ADGRB1: variants seen among roughly 807,000 people sequenced by gnomAD.
ADGRB1 encodes the protein adhesion G protein-coupled receptor B1.
A neutral mutation model predicts 175.7 loss-of-function variants in ADGRB1; 36 were observed. The ratio of observed to expected loss-of-function variants is 0.20; its 90% confidence interval spans 0.16 to 0.27. The LOEUF (loss-of-function observed/expected upper bound fraction) is 0.27, where lower values mean the gene tolerates loss of function less well. Among genes scored for constraint, ADGRB1 ranks in the 10% least tolerant of loss-of-function variants. The probability of loss-of-function intolerance (pLI) is 1.00; values close to 1 mark genes in which losing one functional copy is unlikely to be tolerated. For synonymous variants in ADGRB1, 1,054 were observed against 979.4 expected (o/e 1.08, Z -1.42); for missense variants, 1,731 against 2,255.3 (o/e 0.77, Z 4.71).
chr8:142,542,147 C>T lies in ADGRB1; in HGVS notation c.3913C>T (p.His1305Tyr). Residue 1305 changes from histidine (H) to tyrosine (Y), a missense_variant, in exon 28 of 31, where the codon CAC (histidine) becomes TAC (tyrosine). By Grantham distance (83) the His-to-Tyr change is moderately conservative. Around this residue, in one of 8 missense-constraint regions of ADGRB1, gnomAD observed 394 missense variants for 410.2 expected, o/e 0.96. Transcript: ENST00000517894. The surrounding 1 kb of genome is among the most constrained non-coding windows in gnomAD (Gnocchi z 6.3). Reference protein sequence around the residue: ...PGGPLPDFPNHSLTLKRDKAP... With the variant: ...PGGPLPDFPNYSLTLKRDKAP... ...CGGGCCCCTGCCCGACTTCCCCAACCACTCACTGACCCTCAAGAGGGACAA... is the reference window on the plus strand; with the variant it reads ...CGGGCCCCTGCCCGACTTCCCCAACTACTCACTGACCCTCAAGAGGGACAA... The T allele has an allele frequency of 6.2e-7, 1 of 1,613,680 alleles. No individual in the cohort carries two copies. Among genetic ancestry groups the T allele is most frequent in the Non-Finnish European group, 8.5e-7 (1 of 1,179,828 alleles).
intron 24 of ADGRB1, among the ~76,000 whole-genome samples, chr8:142,527,307 G>T (rs1844264388): frequency 6.6e-6 from 1 of 152,196 alleles, no homozygotes; most frequent in Non-Finnish European, 1.5e-5. Flanking sequence ...TCTGCCTGCT[G>T]TTCTGTGTCA....
intron 26 of ADGRB1, among the ~76,000 whole-genome samples, chr8:142,538,582 G>A (rs1389370614): frequency 1.3e-5 from 2 of 152,220 alleles, no homozygotes; most frequent in African/African-American, 4.8e-5. Flanking sequence ...GAAACCTCCA[G>A]GTTTTCAGTG....
At chr8:142,465,082 A>G in intron 2 of ADGRB1, 100 bp downstream of exon 2, 2 of 342,392 alleles carry the variant, frequency 5.8e-6, no homozygotes, top group South Asian at 4.5e-5. Context: ...GGGCGGACAG[A>G]GGAGGTGGGC....
chr8:142,538,936 C>G (rs1488314779), intron 26 of ADGRB1, among the ~76,000 whole-genome samples: 2 of 152,160 alleles, frequency 1.3e-5, no homozygotes, highest in African/African-American at 4.8e-5. Context: ...GTCATCAGCT[C>G]CCAGACGCCT....
chr8:142,527,761 C>T (rs991000736), intron 24 of ADGRB1, among the ~76,000 whole-genome samples: 2 of 152,236 alleles, frequency 1.3e-5, no homozygotes, highest in African/African-American at 4.8e-5. Context: ...GTCGTAAAAG[C>T]AGCAGTGATC....
At chr8:142,488,642 G>C in intron 14 of ADGRB1, 135 bp downstream of exon 14, 1 of 1,199,092 alleles carries the variant, frequency 8.3e-7, no homozygotes, top group South Asian at 1.6e-5. Flanking sequence ...TTTCCAGGAA[G>C]CCCTCCTTGC....
rs556633523 is a variant in ADGRB1, at chr8:142,466,820, C to A, written c.784+1838C>A. ...ACTGGGCCCAGCGGTCACAGGCACA[C>A]CTGGCCGTGCATCTTGGTCTGCCAC... is the stretch of plus-strand genomic sequence containing the variant. On this transcript the variant is annotated intron_variant, in intron 2 of 30. Coordinates refer to ENST00000517894, the MANE Select transcript of ADGRB1 (RefSeq NM_001702.3). 2.0e-5 allele frequency among the ~76,000 whole-genome samples: 3 copies of A among 152,300 alleles called. No homozygotes were observed. In the South Asian group the frequency reaches 6.2e-4, roughly 32 times the overall value.
chr8:142,511,156 G>T lies in ADGRB1; in HGVS notation c.2817+83G>T. 2.0e-6 allele frequency: 2 copies of T among 979,320 alleles called. No homozygotes were observed. Among genetic ancestry groups the T allele is most frequent in the Non-Finnish European group, 2.5e-6 (2 of 814,306 alleles). The allele number at this position is 979,320 out of a possible 1,614,324, so 60.7% of individuals were successfully genotyped here. On this transcript the variant is annotated intron_variant, in intron 18 of 30. Transcript: ENST00000517894. The surrounding 1 kb of genome is among the most constrained non-coding windows in gnomAD (Gnocchi z 4.5). ...GCCGGCGGGCCTGCGGGTGGGGAGG[G>T]CCCGCACCCGTCCTGTCCCGGAGGG... is the stretch of plus-strand genomic sequence containing the variant.
At chr8:142,528,925 G>A (rs1844412138) in intron 24 of ADGRB1, among the ~76,000 whole-genome samples, 1 of 152,226 alleles carries the variant, frequency 6.6e-6, no homozygotes, top group Non-Finnish European at 1.5e-5. Context: ...CGCTGCGGTA[G>A]GGAAGGAGCG....
rs552928819 is a variant in ADGRB1 at position 142,492,942 on chromosome 8, G to C, written c.2675+2127G>C. Among the ~76,000 whole-genome samples, 556 of 152,204 alleles carry C rather than the reference G, an allele frequency of 3.7e-3. 6 individuals are homozygous for C. Among genetic ancestry groups the C allele is most frequent in the African/African-American group, 0.013 (538 of 41,554 alleles). On this transcript the variant is annotated intron_variant, in intron 17 of 30. Coordinates refer to ENST00000517894, the MANE Select transcript of ADGRB1 (RefSeq NM_001702.3). The surrounding 1 kb of genome is among the most constrained non-coding windows in gnomAD (Gnocchi z 4.4). ...TCCGGGCTGTTCGCCGGCCGCGGCA[G>C]CTCTCGGGGGGCTGCGCCCTGGTTC... is the stretch of plus-strand genomic sequence containing the variant.
At chr8:142,497,682 G>T (rs543407616) in intron 17 of ADGRB1, among the ~76,000 whole-genome samples, 85 of 152,336 alleles carry the variant, frequency 5.6e-4, no homozygotes, top group African/African-American at 2.0e-3. Flanking sequence ...CCCTGGCCTA[G>T]CTTCTGCCCC....
intron 17 of ADGRB1, among the ~76,000 whole-genome samples, chr8:142,494,804 A>T (rs1204890724): frequency 6.6e-6 from 1 of 150,646 alleles, no homozygotes; most frequent in East Asian, 2.0e-4. Flanking sequence ...GCTCCCCCAC[A>T]CCCCTGCACC....
At chr8:142,456,029 G>C (rs76825812) in intron 1 of ADGRB1, among the ~76,000 whole-genome samples, 4,536 of 152,170 alleles carry the variant, frequency 0.03, 122 homozygotes, top group East Asian at 0.076. Context: ...GTTCCAGCTC[G>C]GGGGTAATGG....
In ADGRB1 at chr8:142,543,808, A is replaced by G. The variant is rs889730921; in HGVS notation, c.4557+100A>G. On this transcript the variant is annotated intron_variant, in intron 30 of 30. Coordinates refer to ENST00000517894, the MANE Select transcript of ADGRB1 (RefSeq NM_001702.3). The surrounding 1 kb of genome is among the most constrained non-coding windows in gnomAD (Gnocchi z 4.4). ...GTGCACTTCATCCATCCATCCATCC[A>G]TCCATCCATTCGTTCATTCATTCAT... 5.2e-6 allele frequency: 6 copies of G among 1,154,690 alleles called. No homozygotes were observed. The highest frequency in any genetic ancestry group is 2.0e-5 in the Admixed American group (1 of 49,848). 71.5% of individuals were successfully genotyped at this position (1,154,690 alleles called of 1,614,324 possible).
At chr8:142,520,393 ATTGTGATGT>A (rs1843733621) in intron 19 of ADGRB1, among the ~76,000 whole-genome samples, 1 of 15,672 alleles carries the variant, frequency 6.4e-5, no homozygotes, top group African/African-American at 2.0e-4. Context: ...GATGGTAGTG[ATTGTGATGT>A]TGGTAATGGT....
intron 24 of ADGRB1, 107 bp downstream of exon 24, chr8:142,526,734 T>C: frequency 8.7e-7 from 1 of 1,147,900 alleles, no homozygotes; most frequent in African/African-American, 1.5e-5. Flanking sequence ...AGACTGCAGG[T>C]CCAGGGACCC....
rs978606402 is a variant in ADGRB1 at position 142,510,392 on chromosome 8, C to T, written c.2676-540C>T. 2.0e-5 allele frequency among the ~76,000 whole-genome samples: 3 copies of T among 151,946 alleles called. No homozygotes were observed. Among genetic ancestry groups the T allele is most frequent in the African/African-American group, 7.2e-5 (3 of 41,414 alleles). ...GTGGATGTGGGGGATGGAGCGGTCC[C>T]AAGGTCGTCAGCTCCAGCCGGCGCC... On this transcript the variant is annotated intron_variant, in intron 17 of 30. Coordinates refer to ENST00000517894, the MANE Select transcript of ADGRB1 (RefSeq NM_001702.3). This position sits in a 1 kb window ranked among gnomAD's most constrained non-coding sequence, Gnocchi z 6.3.
intron 14 of ADGRB1, 116 bp from the exon 15 acceptor site, chr8:142,488,919 C>A: frequency 1.6e-6 from 2 of 1,287,358 alleles, no homozygotes; most frequent in South Asian, 1.4e-5. Flanking sequence ...GGGCCCTGGA[C>A]GCGACCTTGA....
chr8:142,520,611 T>C (rs1843778762), intron 19 of ADGRB1, among the ~76,000 whole-genome samples: 1 of 151,570 alleles, frequency 6.6e-6, no homozygotes, highest in African/African-American at 2.4e-5. Flanking sequence ...GTGGTGATGG[T>C]TGTGTTGGTG....
Sources: allele counts gnomAD v4.1 joint callset (sites outside exome capture counted in the v4.1 genomes callset), GRCh38; gene constraint gnomAD v4.1.1; regional missense constraint gnomAD v4.1.1; non-coding constraint Gnocchi (gnomAD v3.1); transcripts MANE v1.5; gene names NCBI Gene and HGNC (gene_info 2026-07-23, HGNC 2026-07-21).